AFG1L: variants seen among roughly 807,000 people sequenced by gnomAD.
AFG1L encodes AFG1-like ATPase.
In AFG1L, 53 loss-of-function variants were observed where a neutral mutation model predicts 62.2. The ratio of observed to expected loss-of-function variants is 0.85; its 90% CI spans 0.68 to 1.07. The LOEUF (loss-of-function observed/expected upper bound fraction) is 1.07. Ranked by LOEUF, AFG1L falls within the 50% of genes least tolerant of loss-of-function variation. AFG1L has a pLI of 0.00. For missense variants in AFG1L, 555 were observed against 590.5 expected, an observed-to-expected ratio of 0.94 and a Z score of 0.62; for synonymous variants, 228 against 210.3, an observed-to-expected ratio of 1.08 and a Z score of -0.73.
intron 6 of AFG1L, among the ~76,000 whole-genome samples, chr6:108,386,366 C>G (rs117679100): frequency 0.047 from 7,192 of 151,688 alleles, 266 homozygotes; most frequent in South Asian, 0.18. Flanking sequence ...GGGGCTGGGG[C>G]AGGAGAATCG....
At chr6:108,377,818 C>CTT (rs199511475) in intron 6 of AFG1L, among the ~76,000 whole-genome samples, 2 of 134,732 alleles carry the variant, frequency 1.5e-5, no homozygotes, top group African/African-American at 5.4e-5. Flanking sequence ...GGAAAGTTTC[C>CTT]TTTTTTTTTT....
At chr6:108,305,103 A>G (rs758963223) in intron 1 of AFG1L, among the ~76,000 whole-genome samples, 22 of 152,254 alleles carry the variant, frequency 1.4e-4, no homozygotes, top group Admixed American at 5.9e-4. Flanking sequence ...AATATTAACA[A>G]TGACATGCCA....
rs1401294615 is a variant in AFG1L at position 108,441,712 on chromosome 6, A to AAATATATATATATAT, written c.808-5501_808-5500insATATATATATATATA. On this transcript the variant is annotated intron_variant, in intron 7 of 12. Coordinates refer to ENST00000368977, the MANE Select transcript of AFG1L (RefSeq NM_145315.5). ...ATCTGAGGTTTATTTAAAAAAAAAA[A>AAATATATATATATAT]ATATATATATATATATATAAACTGA... Among the ~76,000 whole-genome samples the AAATATATATATATAT allele has an allele frequency of 4.6e-3, 646 of 139,408 alleles. 3 individuals carry two copies. Among genetic ancestry groups the AAATATATATATATAT allele is most frequent in the Non-Finnish European group, 7.8e-3 (512 of 65,930 alleles). The allele number at this position is 139,408 out of a possible 152,430, so 91.5% of individuals were successfully genotyped here.
chr6:108,476,481 T>G lies in AFG1L; in HGVS notation c.891-384T>G, dbSNP rs1436998409. Among the ~76,000 whole-genome samples the G allele has an allele frequency of 3.3e-5, 5 of 152,236 alleles. No homozygotes were observed. The East Asian group carries it at 9.6e-4, about 29-fold the overall frequency. On this transcript the variant is annotated intron_variant, in intron 8 of 12. Coordinates refer to ENST00000368977, the MANE Select transcript of AFG1L (RefSeq NM_145315.5). Reference sequence around the variant, plus strand: ...TCAATATTTAATTTCACATGTACCCTCTCAGTAGAGATTTCAAAGGATACT... The same window carrying G: ...TCAATATTTAATTTCACATGTACCCGCTCAGTAGAGATTTCAAAGGATACT...
rs58714925 is a variant in AFG1L, at chr6:108,417,287, CAAA to C, written c.807+15241_807+15243del. ...ACACGCACACACACACACACACACA[CAAA>C]AAAAAAACGGGGAAAAAAAGAAAAA... On this transcript the variant is annotated intron_variant, in intron 7 of 12. Coordinates refer to ENST00000368977, the MANE Select transcript of AFG1L (RefSeq NM_145315.5). Among the ~76,000 whole-genome samples, 222 of 81,666 alleles carry C rather than the reference CAAA, an allele frequency of 2.7e-3. 1 individual carries two copies. Among genetic ancestry groups the C allele is most frequent in the African/African-American group, 0.012 (217 of 18,188 alleles). The allele number at this position is 81,666 out of a possible 152,430, so 53.6% of individuals were successfully genotyped here. A position where few individuals can be genotyped will look rare whatever the true frequency, so the allele number is the denominator to read the frequency against.
At position 108,439,142 on chromosome 6, in the gene AFG1L, C is replaced by A. The variant is rs562967863; in HGVS notation, c.808-8072C>A. Among the ~76,000 whole-genome samples, 7 of 152,104 alleles carry A rather than the reference C, an allele frequency of 4.6e-5. No individual in the cohort carries two copies. The East Asian group carries it at 9.6e-4, about 21-fold the overall frequency. On this transcript the variant is annotated intron_variant, in intron 7 of 12. Transcript: ENST00000368977. The stretch of plus-strand genomic sequence containing the variant: ...TACGTAACAGGCTAAAACCACACAG[C>A]GTGACAATTGGCAGAGGACTTCTCA...
chr6:108,375,434 C>A (rs1330508457), intron 6 of AFG1L, among the ~76,000 whole-genome samples: 1 of 152,072 alleles, frequency 6.6e-6, no homozygotes, highest in Admixed American at 6.6e-5. Flanking sequence ...AGTTTTTGCC[C>A]ATTTAGTATG....
chr6:108,401,728 C>T (rs1373933526), intron 6 of AFG1L, among the ~76,000 whole-genome samples: 1 of 152,018 alleles, frequency 6.6e-6, no homozygotes, highest in Non-Finnish European at 1.5e-5. Flanking sequence ...TGATACTTTC[C>T]AAATTCTTTT....
intron 1 of AFG1L, among the ~76,000 whole-genome samples, chr6:108,322,474 T>G (rs960241283): frequency 6.6e-6 from 1 of 152,166 alleles, no homozygotes. Context: ...CATATCCCAT[T>G]GTTAGAACCT....
Position 108,325,837 on chromosome 6 carries a change from G to GT in AFG1L, c.363+1790dup, listed in dbSNP as rs529547824. On this transcript the variant is annotated intron_variant, in intron 2 of 12. Coordinates refer to ENST00000368977, the MANE Select transcript of AFG1L (RefSeq NM_145315.5). ...ACTCTGTCTCCCGGGCTGAAGTGCA[G>GT]TAGTGTGATATCTTGGCTCACTGTA... is the stretch of plus-strand genomic sequence containing the variant. Among the ~76,000 whole-genome samples, 573 of 151,346 alleles carry GT rather than the reference G, an allele frequency of 3.8e-3. 1 individual carries two copies. Among genetic ancestry groups the GT allele is most frequent in the African/African-American group, 0.013 (532 of 41,206 alleles).
intron 7 of AFG1L, among the ~76,000 whole-genome samples, chr6:108,408,633 A>G (rs550847823): frequency 4.6e-5 from 7 of 152,220 alleles, no homozygotes; most frequent in South Asian, 2.1e-4. Flanking sequence ...TTTTTCCCTC[A>G]TATCTCAGGG....
At chr6:108,342,390 T>G (rs930275274) in intron 2 of AFG1L, among the ~76,000 whole-genome samples, 6 of 152,142 alleles carry the variant, frequency 3.9e-5, no homozygotes, top group Admixed American at 3.9e-4. Context: ...TTATAGGGAA[T>G]TAAATTTAAG....
chr6:108,319,190 C>T (rs149609885), intron 1 of AFG1L, among the ~76,000 whole-genome samples: 12 of 152,226 alleles, frequency 7.9e-5, no homozygotes, highest in African/African-American at 2.6e-4. Context: ...GTACGTTTTA[C>T]CCACAATACT....
At chr6:108,462,044 G>A (rs1027835302) in intron 8 of AFG1L, among the ~76,000 whole-genome samples, 7 of 151,830 alleles carry the variant, frequency 4.6e-5, no homozygotes, top group East Asian at 3.9e-4. Context: ...GCAGTGAGCC[G>A]AGATTGTACC....
At chr6:108,441,712 A>AAATATATATATATATATAT (rs1401294615) in intron 7 of AFG1L, among the ~76,000 whole-genome samples, 5 of 139,482 alleles carry the variant, frequency 3.6e-5, no homozygotes, top group Non-Finnish European at 4.5e-5. Flanking sequence ...AAAAAAAAAA[A>AAATATATATATATATATAT]ATATATATAT....
chr6:108,389,869 T>C (rs746748178), intron 6 of AFG1L, among the ~76,000 whole-genome samples: 16 of 152,190 alleles, frequency 1.1e-4, no homozygotes, highest in Non-Finnish European at 2.4e-4. Flanking sequence ...GAGTTGTTTT[T>C]CTCGAGGAGT....
At chr6:108,465,508 T>C (rs950187174) in intron 8 of AFG1L, among the ~76,000 whole-genome samples, 34 of 152,196 alleles carry the variant, frequency 2.2e-4, no homozygotes, top group Admixed American at 1.3e-3. Context: ...TACCAGATTT[T>C]TAAAAATGAG....
intron 7 of AFG1L, among the ~76,000 whole-genome samples, chr6:108,416,871 T>C (rs1770319200): frequency 6.6e-6 from 1 of 152,090 alleles, no homozygotes; most frequent in African/African-American, 2.4e-5. Context: ...CATGTATAGA[T>C]AGGTAACAAA....
At chr6:108,354,088 A>G (rs1779178264) in intron 3 of AFG1L, among the ~76,000 whole-genome samples, 2 of 152,180 alleles carry the variant, frequency 1.3e-5, no homozygotes, top group South Asian at 4.1e-4. Context: ...CTGGACTAGC[A>G]CATGCTAGCC....
Sources: allele counts gnomAD v4.1 joint callset (sites outside exome capture counted in the v4.1 genomes callset), GRCh38; gene constraint gnomAD v4.1.1; transcripts MANE v1.5; gene names NCBI Gene and HGNC (gene_info 2026-07-23, HGNC 2026-07-21).